The following CDH12 variants were observed in gnomAD, a reference collection of about 807,000 sequenced individuals.
CDH12 encodes cadherin 12.
Under a neutral mutation model 74.1 loss-of-function variants are expected in CDH12, and 41 were observed. The ratio of observed to expected loss-of-function variants is 0.55; its 90% CI spans 0.43 to 0.72. The LOEUF (loss-of-function observed/expected upper bound fraction) is 0.72. CDH12 is among the 30% of genes least tolerant of loss of function. The pLI is 0.00. For synonymous variants in CDH12, 399 were observed against 355.0 expected (o/e 1.12, Z -1.39); for missense variants, 945 against 977.2 (o/e 0.97, Z 0.44).
At chr5:21,921,972 T>C (rs1561300710) in intron 6 of CDH12, among the ~76,000 whole-genome samples, 1 of 152,166 alleles carries the variant, frequency 6.6e-6, no homozygotes, top group Non-Finnish European at 1.5e-5. Flanking sequence ...AATCCACACA[T>C]CTTTTCATAC....
chr5:22,104,440 AAAAGG>A (rs1744316239), intron 4 of CDH12, among the ~76,000 whole-genome samples: 2 of 152,138 alleles, frequency 1.3e-5, no homozygotes, highest in Admixed American at 6.5e-5. Context: ...GAGAAAAAAG[AAAAGG>A]AAAGAATAAA....
intron 10 of CDH12, among the ~76,000 whole-genome samples, chr5:21,796,187 T>A (rs1561191916): frequency 6.6e-6 from 1 of 152,062 alleles, no homozygotes; most frequent in East Asian, 1.9e-4. Context: ...AAACCCATCA[T>A]AAGTTGAAAA....
chr5:22,010,848 T>C (rs942727471), intron 5 of CDH12, among the ~76,000 whole-genome samples: 2 of 152,136 alleles, frequency 1.3e-5, no homozygotes, highest in African/African-American at 4.8e-5. Flanking sequence ...CTCCATGAGA[T>C]TTACATCCTG....
chr5:21,908,007 A>G (rs1343611793), intron 6 of CDH12, among the ~76,000 whole-genome samples: 1 of 152,174 alleles, frequency 6.6e-6, no homozygotes, highest in Non-Finnish European at 1.5e-5. Context: ...TACCTATCCC[A>G]TACCCTGACC....
At chr5:21,806,751 T>C (rs1747448593) in intron 9 of CDH12, among the ~76,000 whole-genome samples, 1 of 152,212 alleles carries the variant, frequency 6.6e-6, no homozygotes, top group Non-Finnish European at 1.5e-5. Context: ...ATTATGACAG[T>C]GAGGGAAGTC....
intron 6 of CDH12, among the ~76,000 whole-genome samples, chr5:21,880,223 C>T (rs1281018504): frequency 1.3e-5 from 2 of 152,190 alleles, no homozygotes; most frequent in African/African-American, 4.8e-5. Context: ...CTGATGAGTA[C>T]CTATGGCTCA....
intron 5 of CDH12, among the ~76,000 whole-genome samples, chr5:22,041,027 A>G (rs1471184848): frequency 6.6e-6 from 1 of 152,088 alleles, no homozygotes; most frequent in Non-Finnish European, 1.5e-5. Flanking sequence ...TTTAAAATAT[A>G]AATCGTGACA....
intron 6 of CDH12, among the ~76,000 whole-genome samples, chr5:21,893,918 A>G (rs1753004229): frequency 6.6e-6 from 1 of 152,180 alleles, no homozygotes; most frequent in Non-Finnish European, 1.5e-5. Context: ...CCTTTACATC[A>G]CAGAAAAGGT....
intron 9 of CDH12, among the ~76,000 whole-genome samples, chr5:21,814,154 T>C (rs1747911622): frequency 1.5e-5 from 2 of 136,038 alleles, no homozygotes; most frequent in Non-Finnish European, 3.1e-5. Flanking sequence ...TGTGTGTGTG[T>C]GTGTGTGTGT....
At chr5:21,892,196 A>G (rs1752929575) in intron 6 of CDH12, among the ~76,000 whole-genome samples, 1 of 152,184 alleles carries the variant, frequency 6.6e-6, no homozygotes, top group Non-Finnish European at 1.5e-5. Flanking sequence ...TTTCTGTGAT[A>G]ATGCTAGTAA....
chr5:21,867,548 T>C (rs944984060), intron 6 of CDH12, among the ~76,000 whole-genome samples: 13 of 152,184 alleles, frequency 8.5e-5, no homozygotes, highest in East Asian at 5.8e-4. Context: ...GGAGATCATT[T>C]TGGAACTTTA....
At chr5:22,283,205 GATATATATATAGATATATATATATAT>G (rs1371544812) in intron 3 of CDH12, among the ~76,000 whole-genome samples, 1 of 107,980 alleles carries the variant, frequency 9.3e-6, no homozygotes, top group Non-Finnish European at 1.8e-5. Flanking sequence ...ACATCTGTGA[GATATATATATAGATATATATATATAT>G]ATATATATAT....
At chr5:22,509,816 G>T (rs746817193) in intron 1 of CDH12, among the ~76,000 whole-genome samples, 37 of 152,136 alleles carry the variant, frequency 2.4e-4, no homozygotes, top group Non-Finnish European at 5.0e-4. Flanking sequence ...TTGAGAAGCA[G>T]AGGGCAAGCT....
intron 4 of CDH12, among the ~76,000 whole-genome samples, chr5:22,210,522 G>A (rs6863850): frequency 0.99 from 149,233 of 150,672 alleles, 73,928 homozygotes; most frequent in Middle Eastern, 1. Context: ...TCAGGGGTAC[G>A]TATGGTTGTT....
At chr5:22,737,755 C>A (rs1744816583) in intron 1 of CDH12, among the ~76,000 whole-genome samples, 2 of 151,886 alleles carry the variant, frequency 1.3e-5, no homozygotes, top group South Asian at 2.1e-4. Context: ...TTGCCTAGAA[C>A]TTTTGGTGGG....
intron 5 of CDH12, among the ~76,000 whole-genome samples, chr5:22,013,157 C>T (rs978276778): frequency 2.6e-5 from 4 of 152,144 alleles, no homozygotes; most frequent in Admixed American, 6.5e-5. Context: ...ATTACAATTA[C>T]GCATGGCTGG....
chr5:22,433,117 C>T (rs567164509), intron 2 of CDH12, among the ~76,000 whole-genome samples: 26 of 152,234 alleles, frequency 1.7e-4, no homozygotes, highest in Middle Eastern at 3.4e-3. Context: ...GTAGGAATGT[C>T]AATTTCCTTC....
At chr5:22,327,578 C>T (rs755087062) in intron 3 of CDH12, among the ~76,000 whole-genome samples, 17 of 152,146 alleles carry the variant, frequency 1.1e-4, no homozygotes, top group East Asian at 3.9e-4. Flanking sequence ...GCTTCATCCA[C>T]GTAAAATAAT....
chr5:22,391,620 A>G (rs1332942102), intron 3 of CDH12, among the ~76,000 whole-genome samples: 1 of 152,134 alleles, frequency 6.6e-6, no homozygotes, highest in Admixed American at 6.6e-5. Context: ...AAAATACATT[A>G]TCAATGGAAT....
Sources: gnomAD v4.1 joint callset for allele counts (sites outside exome capture counted in the v4.1 genomes callset) on GRCh38, gnomAD v4.1.1 for gene constraint, MANE v1.5 for transcripts, NCBI Gene and HGNC (gene_info 2026-07-23, HGNC 2026-07-21) for gene names.